ARAP2: variants seen among roughly 807,000 people sequenced by gnomAD.
The protein encoded by ARAP2 is arf-GAP with Rho-GAP domain, ANK repeat and PH domain-containing protein 2.
A neutral mutation model predicts 194.5 loss-of-function variants in ARAP2; 148 were observed. That is an observed-to-expected ratio of 0.76 (90% CI 0.67 to 0.87). The LOEUF (loss-of-function observed/expected upper bound fraction) is 0.87, where lower values mean the gene tolerates loss of function less well. Ranked by LOEUF, ARAP2 falls within the 40% of genes least tolerant of loss-of-function variation. ARAP2 has a pLI of 0.00. For missense variants in ARAP2, 2,128 were observed against 1,989.7 expected (o/e 1.07, Z -1.32); for synonymous variants, 695 against 683.5 (o/e 1.02, Z -0.26).
At chr4:36,146,549 G>A (rs1038473472) in intron 19 of ARAP2, among the ~76,000 whole-genome samples, 4 of 151,910 alleles carry the variant, frequency 2.6e-5, no homozygotes, top group Admixed American at 6.6e-5. Flanking sequence ...CACTCTTAGC[G>A]TTTTCAAATA....
chr4:36,035,808 G>C (rs1457227409), intron 5 of ARAP2, among the ~76,000 whole-genome samples: 1 of 151,926 alleles, frequency 6.6e-6, no homozygotes, highest in Non-Finnish European at 1.5e-5. Context: ...GCTGAATTTT[G>C]GCAGAAGGAA....
chr4:36,051,712 C>T, intron 3 of ARAP2, among the ~76,000 whole-genome samples: 1 of 152,120 alleles, frequency 6.6e-6, no homozygotes, highest in Middle Eastern at 3.2e-3. Flanking sequence ...AACCAATTAT[C>T]CTTCTTGCTT....
At chr4:36,178,786 A>T (rs1214631692) in intron 8 of ARAP2, among the ~76,000 whole-genome samples, 1 of 152,228 alleles carries the variant, frequency 6.6e-6, no homozygotes, top group South Asian at 2.1e-4. Context: ...GCTGAAGGTC[A>T]TATAGCAAGT....
intron 19 of ARAP2, 40 bp from the exon 20 acceptor site, chr4:36,133,429 C>A: frequency 6.4e-7 from 1 of 1,559,952 alleles, no homozygotes; most frequent in Non-Finnish European, 8.7e-7. Context: ...TAATTTTGCT[C>A]TTTAAAAAAA....
intron 14 of ARAP2, 114 bp from the exon 15 acceptor site, chr4:36,158,978 A>G: frequency 1.1e-5 from 11 of 1,038,440 alleles, no homozygotes; most frequent in Non-Finnish European, 1.5e-5. Context: ...CAAATTTACC[A>G]AAGAATAATT....
chr4:36,056,985 C>T (rs1046873791), intron 2 of ARAP2, among the ~76,000 whole-genome samples: 4 of 151,044 alleles, frequency 2.6e-5, no homozygotes, highest in African/African-American at 7.3e-5. Context: ...TTTAGTTTTA[C>T]TGCATTTTGG....
At chr4:36,110,889 A>G (rs914890878) in intron 26 of ARAP2, among the ~76,000 whole-genome samples, 2 of 151,996 alleles carry the variant, frequency 1.3e-5, no homozygotes, top group African/African-American at 4.8e-5. Context: ...TACAGGTTTA[A>G]GAATCTATTT....
chr4:36,052,687 G>A (rs1365501359), intron 2 of ARAP2, among the ~76,000 whole-genome samples: 2 of 152,194 alleles, frequency 1.3e-5, no homozygotes, highest in African/African-American at 4.8e-5. Context: ...TTTTACGGCT[G>A]GGCTCGGAGG....
intron 6 of ARAP2, among the ~76,000 whole-genome samples, chr4:36,205,938 A>G (rs1745445908): frequency 6.6e-6 from 1 of 152,222 alleles, no homozygotes. Context: ...AGAAATGCCC[A>G]GCTAATTTGC....
intron 28 of ARAP2, among the ~76,000 whole-genome samples, chr4:36,086,130 T>C (rs957945420): frequency 1.3e-5 from 2 of 151,998 alleles, no homozygotes; most frequent in African/African-American, 4.8e-5. Context: ...TGTGTTCCTT[T>C]TAATAATTTA....
At chr4:36,090,912 A>T (rs1486676726) in intron 28 of ARAP2, among the ~76,000 whole-genome samples, 3 of 152,144 alleles carry the variant, frequency 2.0e-5, no homozygotes, top group Non-Finnish European at 2.9e-5. Context: ...ACCAAAAAAA[A>T]ATTTCAACAA....
chr4:36,044,862 C>A (rs757642865), intron 5 of ARAP2, among the ~76,000 whole-genome samples: 1 of 150,600 alleles, frequency 6.6e-6, no homozygotes, highest in Non-Finnish European at 1.5e-5. Flanking sequence ...AGGAAATAAC[C>A]CTGCTAAAAA....
At chr4:36,166,261 T>C (rs1422214243) in intron 10 of ARAP2, among the ~76,000 whole-genome samples, 1 of 152,116 alleles carries the variant, frequency 6.6e-6, no homozygotes, top group Non-Finnish European at 1.5e-5. Flanking sequence ...TGATTATTTA[T>C]AACAAACGAA....
chr4:36,048,328 A>G (rs951821958), intron 3 of ARAP2, among the ~76,000 whole-genome samples: 1 of 152,176 alleles, frequency 6.6e-6, no homozygotes, highest in African/African-American at 2.4e-5. Flanking sequence ...ATGAATTATC[A>G]TCACCAAATA....
At position 36,117,078 on chromosome 4, in the gene ARAP2, A is replaced by G; in HGVS notation, c.4021T>C (p.Cys1341Arg). 6.3e-7 allele frequency: 1 copy of G among 1,597,304 alleles called. No homozygotes were observed. Among genetic ancestry groups the G allele is most frequent in the Non-Finnish European group, 8.5e-7 (1 of 1,172,584 alleles). ...EVYVERKEPD[C>R]SIIIRISPVM... ...GAACTTACCCGAATTATAATACTAC[A>G]GTCGGGTTCCTTCCTTTCTACATAT... The change falls in exon 25 of 33, where the codon TGT (cysteine) becomes CGT (arginine). Residue 1341 changes from cysteine (C) to arginine (R), a missense_variant. Physicochemically the swap from Cys to Arg is radical, Grantham distance 180. Transcript: ENST00000303965.
At chr4:36,074,843 T>C (rs1018155605) in intron 31 of ARAP2, among the ~76,000 whole-genome samples, 1 of 152,076 alleles carries the variant, frequency 6.6e-6, no homozygotes, top group Non-Finnish European at 1.5e-5. Context: ...ACCTACCATA[T>C]AATAACAGCT....
intron 9 of ARAP2, among the ~76,000 whole-genome samples, chr4:36,011,981 TTTATCAA>T (rs1356451367): frequency 4.6e-5 from 7 of 152,180 alleles, no homozygotes; most frequent in Admixed American, 3.3e-4. Context: ...ATGTGTTAGA[TTTATCAA>T]TTATTCTAAA....
intron 5 of ARAP2, among the ~76,000 whole-genome samples, chr4:36,022,906 A>G (rs1163245778): frequency 1.3e-5 from 2 of 152,200 alleles, no homozygotes; most frequent in Non-Finnish European, 2.9e-5. Flanking sequence ...TCTTCAGGTA[A>G]CATCAGAGAA....
chr4:36,081,856 T>C (rs974898682), intron 30 of ARAP2, among the ~76,000 whole-genome samples: 2 of 152,114 alleles, frequency 1.3e-5, no homozygotes, highest in Non-Finnish European at 2.9e-5. Flanking sequence ...TACTGATGGA[T>C]ACTGGTAACA....
Sources: allele counts gnomAD v4.1 joint callset (sites outside exome capture counted in the v4.1 genomes callset), GRCh38; gene constraint gnomAD v4.1.1; transcripts MANE v1.5; gene names NCBI Gene and HGNC (gene_info 2026-07-23, HGNC 2026-07-21).